The following TXNDC16 variants were observed in gnomAD, a reference collection of about 807,000 sequenced individuals.
TXNDC16 encodes the protein thioredoxin domain-containing protein 16.
TXNDC16 carries 74 observed loss-of-function variants against 85.6 expected under a neutral mutation model. The ratio of observed to expected loss-of-function variants is 0.86; its 90% CI spans 0.72 to 1.05. The LOEUF (loss-of-function observed/expected upper bound fraction) is 1.05. Ranked by LOEUF, TXNDC16 falls within the 50% of genes least tolerant of loss-of-function variation. The pLI, the probability that TXNDC16 is intolerant of heterozygous loss-of-function variation, is 0.00. For synonymous variants in TXNDC16, 335 were observed against 326.5 expected, an observed-to-expected ratio of 1.03 and a Z score of -0.28; for missense variants, 959 against 947.0, an observed-to-expected ratio of 1.01 and a Z score of -0.17.
chr14:52,495,336 C>T (rs954298580), intron 9 of TXNDC16, among the ~76,000 whole-genome samples: 2 of 152,098 alleles, frequency 1.3e-5, no homozygotes, highest in Non-Finnish European at 2.9e-5. Context: ...CCTCAGGCTG[C>T]TTAGTCTAAC....
At chr14:52,545,579 T>C (rs1214720334) in intron 1 of TXNDC16, among the ~76,000 whole-genome samples, 1 of 152,042 alleles carries the variant, frequency 6.6e-6, no homozygotes, top group Non-Finnish European at 1.5e-5. Context: ...AAAGGGAAGA[T>C]AGAAAATAAG....
At chr14:52,535,287 T>C (rs1314645929) in intron 6 of TXNDC16, among the ~76,000 whole-genome samples, 1 of 152,112 alleles carries the variant, frequency 6.6e-6, no homozygotes, top group Non-Finnish European at 1.5e-5. Context: ...AGGAAAGGGA[T>C]TCCAAGGAAT....
chr14:52,541,567 G>A (rs2037831947), intron 4 of TXNDC16, among the ~76,000 whole-genome samples: 1 of 152,158 alleles, frequency 6.6e-6, no homozygotes, highest in Admixed American at 6.5e-5. Context: ...TACAGCCAAT[G>A]TTAGTCAATG....
chr14:52,473,130 C>G (rs752443013), intron 14 of TXNDC16, among the ~76,000 whole-genome samples: 1 of 152,108 alleles, frequency 6.6e-6, no homozygotes, highest in Non-Finnish European at 1.5e-5. Context: ...CTATAAAACT[C>G]GACACATTCG....
intron 9 of TXNDC16, among the ~76,000 whole-genome samples, chr14:52,506,551 T>C (rs1226548274): frequency 7.2e-5 from 9 of 125,120 alleles, no homozygotes; most frequent in African/African-American, 3.0e-4. Flanking sequence ...TTTTTTTTTT[T>C]CTTTTTTCTT....
intron 18 of TXNDC16, among the ~76,000 whole-genome samples, chr14:52,448,477 CCAGA>C (rs1459752716): frequency 2.6e-5 from 4 of 151,822 alleles, no homozygotes; most frequent in Non-Finnish European, 5.9e-5. Flanking sequence ...AAAAACTTCC[CCAGA>C]CAAACAAAAT....
At chr14:52,549,223 T>G (rs1287177548) in intron 1 of TXNDC16, among the ~76,000 whole-genome samples, 1 of 152,194 alleles carries the variant, frequency 6.6e-6, no homozygotes, top group Non-Finnish European at 1.5e-5. Context: ...AGTTGACATA[T>G]AAGATGTAAC....
chr14:52,546,908 T>C (rs1384552455), intron 1 of TXNDC16, among the ~76,000 whole-genome samples: 1 of 152,172 alleles, frequency 6.6e-6, no homozygotes, highest in African/African-American at 2.4e-5. Context: ...CATTAATAAG[T>C]TTGATAAAAC....
At chr14:52,501,741 T>C (rs1328300745) in intron 9 of TXNDC16, among the ~76,000 whole-genome samples, 1 of 152,218 alleles carries the variant, frequency 6.6e-6, no homozygotes, top group Non-Finnish European at 1.5e-5. Flanking sequence ...GTATAACCCG[T>C]TAGAACAAAT....
rs760832435 is a variant in TXNDC16 at position 52,432,128 on chromosome 14, A to G, written c.*176T>C. The stretch of plus-strand genomic sequence containing the variant: ...ATATCAAAATTATTTTGCCCTGCTC[A>G]CTTTTACTTTGTTTAATGTAGTTAC... On this transcript the variant is annotated 3_prime_UTR_variant, in exon 21 of 21. Coordinates refer to ENST00000281741, the MANE Select transcript of TXNDC16 (RefSeq NM_020784.3). The G allele has an allele frequency of 3.7e-5, 19 of 508,084 alleles. 1 individual carries two copies. Among genetic ancestry groups the G allele is most frequent in the African/African-American group, 2.8e-4 (14 of 50,256 alleles). 31.5% of individuals were successfully genotyped at this position (508,084 alleles called of 1,614,324 possible).
intron 9 of TXNDC16, among the ~76,000 whole-genome samples, chr14:52,505,099 T>C (rs905520324): frequency 2.6e-5 from 4 of 152,156 alleles, no homozygotes; most frequent in Admixed American, 1.3e-4. Flanking sequence ...CAAAGAGACT[T>C]AGACTCACAC....
At chr14:52,452,106 T>C (rs1423628529) in intron 18 of TXNDC16, among the ~76,000 whole-genome samples, 1 of 152,062 alleles carries the variant, frequency 6.6e-6, no homozygotes, top group East Asian at 1.9e-4. Context: ...TAAAATTAAA[T>C]ACCCAGGAAT....
chr14:52,551,819 T>C (rs1421569449), intron 1 of TXNDC16, among the ~76,000 whole-genome samples: 2 of 152,124 alleles, frequency 1.3e-5, no homozygotes, highest in Non-Finnish European at 2.9e-5. Flanking sequence ...TCGATACATG[T>C]GGAATTTAAA....
At chr14:52,541,513 G>A (rs1021635260) in intron 4 of TXNDC16, among the ~76,000 whole-genome samples, 1 of 152,068 alleles carries the variant, frequency 6.6e-6, no homozygotes, top group Non-Finnish European at 1.5e-5. Flanking sequence ...ATCTCTATAC[G>A]TACAGAATTG....
intron 9 of TXNDC16, among the ~76,000 whole-genome samples, chr14:52,505,297 C>A (rs2036768776): frequency 6.6e-6 from 1 of 152,118 alleles, no homozygotes; most frequent in Admixed American, 6.5e-5. Context: ...CACACCTATT[C>A]CAAAATTGAC....
intron 7 of TXNDC16, among the ~76,000 whole-genome samples, chr14:52,516,658 G>A (rs997507315): frequency 6.6e-6 from 1 of 152,120 alleles, no homozygotes; most frequent in African/African-American, 2.4e-5. Flanking sequence ...TTTTCTTGAA[G>A]TATTTCTTTG....
chr14:52,502,386 G>T (rs2036679395), intron 9 of TXNDC16, among the ~76,000 whole-genome samples: 1 of 151,986 alleles, frequency 6.6e-6, no homozygotes, highest in African/African-American at 2.4e-5. Flanking sequence ...AGGGTCACCT[G>T]CATGGCACAA....
chr14:52,471,151 C>T (rs1024596335), intron 14 of TXNDC16, among the ~76,000 whole-genome samples: 1 of 152,164 alleles, frequency 6.6e-6, no homozygotes, highest in African/African-American at 2.4e-5. Flanking sequence ...TGTTGGTGAA[C>T]GTTGCTGCTC....
chr14:52,526,050 G>C (rs761738480), intron 6 of TXNDC16, among the ~76,000 whole-genome samples: 6 of 152,054 alleles, frequency 3.9e-5, no homozygotes, highest in South Asian at 2.1e-4. Context: ...ATCCGCTTAT[G>C]GTTGAATCCA....
Sources: allele counts gnomAD v4.1 joint callset (sites outside exome capture counted in the v4.1 genomes callset), GRCh38; gene constraint gnomAD v4.1.1; transcripts MANE v1.5; gene names NCBI Gene and HGNC (gene_info 2026-07-23, HGNC 2026-07-21).